ZNF804B: variants seen among roughly 807,000 people sequenced by gnomAD.
ZNF804B encodes the protein zinc finger protein 804B.
In ZNF804B, 80 loss-of-function variants were observed where a neutral mutation model predicts 101.4. The ratio of observed to expected loss-of-function variants is 0.79; its 90% confidence interval spans 0.66 to 0.95. The LOEUF is 0.95. ZNF804B is among the 40% of genes least tolerant of loss of function. The pLI is 0.00. For synonymous variants in ZNF804B, 622 were observed against 558.8 expected (o/e 1.11, Z -1.59); for missense variants, 1,673 against 1,561.9 (o/e 1.07, Z -1.20).
chr7:89,038,682 C>T (rs1788965481), intron 1 of ZNF804B, among the ~76,000 whole-genome samples: 1 of 152,054 alleles, frequency 6.6e-6, no homozygotes, highest in South Asian at 2.1e-4. Context: ...TAATCCCATT[C>T]ACCTAGTTTT....
chr7:89,334,362 A>G lies in ZNF804B; in HGVS notation c.1380A>G (p.Glu460=). ...DGHTTLQWPT[E]LLLFTKTEPC... Reference sequence around the variant, plus strand: ...ACACCACTCTTCAATGGCCTACGGAACTTCTGCTCTTTACAAAAACAGAAC... The same window carrying G: ...ACACCACTCTTCAATGGCCTACGGAGCTTCTGCTCTTTACAAAAACAGAAC... Residue 460 remains glutamate (E), a synonymous_variant, in exon 4 of 4, where the codon GAA becomes GAG. Coordinates refer to ENST00000333190, the MANE Select transcript of ZNF804B (RefSeq NM_181646.5). 1 of 1,613,816 alleles carries G rather than the reference A, an allele frequency of 6.2e-7. No individual in the cohort carries two copies. The highest frequency in any genetic ancestry group is 8.5e-7 in the Non-Finnish European group (1 of 1,179,848).
At chr7:88,762,143 C>T (rs1789907557) in intron 1 of ZNF804B, among the ~76,000 whole-genome samples, 1 of 152,254 alleles carries the variant, frequency 6.6e-6, no homozygotes, top group Non-Finnish European at 1.5e-5. Flanking sequence ...TTTATTTACA[C>T]ATTTGGATGT....
At chr7:89,326,679 G>T (rs1790901508) in intron 2 of ZNF804B, among the ~76,000 whole-genome samples, 1 of 152,014 alleles carries the variant, frequency 6.6e-6, no homozygotes, top group African/African-American at 2.4e-5. Flanking sequence ...GGTCTTACTT[G>T]CATGTAAGTC....
At chr7:89,221,553 A>C (rs1022909311) in intron 2 of ZNF804B, among the ~76,000 whole-genome samples, 4 of 151,928 alleles carry the variant, frequency 2.6e-5, no homozygotes, top group African/African-American at 9.7e-5. Flanking sequence ...ACCTGGGGTG[A>C]ATCTTCCATA....
chr7:89,301,039 T>C (rs745322391), intron 2 of ZNF804B, among the ~76,000 whole-genome samples: 2 of 150,342 alleles, frequency 1.3e-5, no homozygotes, highest in African/African-American at 4.9e-5. Context: ...GAATAGGGAG[T>C]TGATAAAAAT....
chr7:88,960,262 C>T (rs1793370699), intron 1 of ZNF804B, among the ~76,000 whole-genome samples: 1 of 151,166 alleles, frequency 6.6e-6, no homozygotes, highest in African/African-American at 2.4e-5. Flanking sequence ...AAATAAGACC[C>T]CACCCCTACC....
At chr7:89,098,746 T>A (rs185863655) in intron 1 of ZNF804B, among the ~76,000 whole-genome samples, 1 of 152,142 alleles carries the variant, frequency 6.6e-6, no homozygotes, top group African/African-American at 2.4e-5. Flanking sequence ...TATCTAAAAC[T>A]TGTCATTCCT....
At chr7:88,940,122 A>C (rs922594027) in intron 1 of ZNF804B, among the ~76,000 whole-genome samples, 1 of 152,054 alleles carries the variant, frequency 6.6e-6, no homozygotes, top group African/African-American at 2.4e-5. Context: ...TAAATACCAA[A>C]GGATGAACTA....
Position 88,854,545 on chromosome 7 carries a change from T to TTCCTTTCCTTCCCTTCCCTTC in ZNF804B, c.108+94461_108+94462insTCCTTTCCTTCCCTTCCCTTC, listed in dbSNP as rs1554340277. Among the ~76,000 whole-genome samples the TTCCTTTCCTTCCCTTCCCTTC allele has an allele frequency of 7.3e-4, 73 of 100,458 alleles. 4 individuals carry two copies. Among genetic ancestry groups the TTCCTTTCCTTCCCTTCCCTTC allele is most frequent in the East Asian group, 5.3e-3 (13 of 2,436 alleles). The allele number at this position is 100,458 out of a possible 152,430, so 65.9% of individuals were successfully genotyped here. A position where few individuals can be genotyped will look rare whatever the true frequency, so the allele number is the denominator to read the frequency against. On this transcript the variant is annotated intron_variant, in intron 1 of 3. Coordinates refer to ENST00000333190, the MANE Select transcript of ZNF804B (RefSeq NM_181646.5). Reference sequence around the variant, plus strand: ...TCCTTCCTTTCCTTCCTTCCTTCCTTCCTTCCTTCCTTCCTTCCTTCCTTC... The same window carrying TTCCTTTCCTTCCCTTCCCTTC: ...TCCTTCCTTTCCTTCCTTCCTTCCTTTCCTTTCCTTCCCTTCCCTTCCCTTCCTTCCTTCCTTCCTTCCTTC...
At chr7:89,002,095 AATATT>A (rs1347728847) in intron 1 of ZNF804B, among the ~76,000 whole-genome samples, 3 of 151,656 alleles carry the variant, frequency 2.0e-5, no homozygotes, top group Non-Finnish European at 4.4e-5. Context: ...ATGTGTGAGT[AATATT>A]ATAACACATA....
chr7:88,998,492 C>G (rs984802501), intron 1 of ZNF804B, among the ~76,000 whole-genome samples: 4 of 151,860 alleles, frequency 2.6e-5, no homozygotes, highest in African/African-American at 9.7e-5. Flanking sequence ...AAGTGATGTT[C>G]AAGAAGAACA....
chr7:88,799,578 T>C (rs1489257988), intron 1 of ZNF804B, among the ~76,000 whole-genome samples: 1 of 152,050 alleles, frequency 6.6e-6, no homozygotes, highest in Non-Finnish European at 1.5e-5. Context: ...ACTTCTACAT[T>C]ATACCTAGGT....
chr7:89,299,187 T>C (rs527704122), intron 2 of ZNF804B, among the ~76,000 whole-genome samples: 6 of 152,060 alleles, frequency 3.9e-5, no homozygotes, highest in Non-Finnish European at 8.8e-5. Context: ...ACTGTCTGCT[T>C]TTCAGTTTTT....
At chr7:88,893,947 A>T (rs893922579) in intron 1 of ZNF804B, among the ~76,000 whole-genome samples, 10 of 152,130 alleles carry the variant, frequency 6.6e-5, no homozygotes, top group African/African-American at 1.9e-4. Context: ...CATCATGGAA[A>T]ATTAGATAAA....
intron 1 of ZNF804B, among the ~76,000 whole-genome samples, chr7:88,914,348 T>C (rs1355105885): frequency 6.6e-6 from 1 of 152,150 alleles, no homozygotes; most frequent in Non-Finnish European, 1.5e-5. Flanking sequence ...CTCCTGCTCC[T>C]TCATTTGTTT....
chr7:88,783,444 G>A (rs1176108873), intron 1 of ZNF804B, among the ~76,000 whole-genome samples: 2 of 152,030 alleles, frequency 1.3e-5, no homozygotes, highest in East Asian at 3.9e-4. Context: ...TGAGACACTG[G>A]GCTGGAATAG....
intron 2 of ZNF804B, among the ~76,000 whole-genome samples, chr7:89,270,191 G>A (rs1789864111): frequency 6.6e-6 from 1 of 152,110 alleles, no homozygotes; most frequent in South Asian, 2.1e-4. Context: ...GGTTTGTATG[G>A]TTTTAGGTCT....
intron 1 of ZNF804B, among the ~76,000 whole-genome samples, chr7:89,158,910 C>CATCA (rs1173610880): frequency 3.3e-5 from 5 of 152,120 alleles, no homozygotes; most frequent in African/African-American, 1.2e-4. Context: ...TTGTGAACCT[C>CATCA]ATCAATAGTT....
In ZNF804B at chr7:88,785,326, G is replaced by C. The variant is rs553727159; in HGVS notation, c.108+25242G>C. Among the ~76,000 whole-genome samples the C allele has an allele frequency of 2.0e-5, 3 of 151,920 alleles. No individual in the cohort carries two copies. The East Asian group carries it at 5.8e-4, about 29-fold the overall frequency. ...AGACAAATACCAAGGTATTGGACACGTCTCTTGATTCTTTCCACCTCTTTC... is the reference window on the plus strand; with the variant it reads ...AGACAAATACCAAGGTATTGGACACCTCTCTTGATTCTTTCCACCTCTTTC... On this transcript the variant is annotated intron_variant, in intron 1 of 3. Coordinates refer to ENST00000333190, the MANE Select transcript of ZNF804B (RefSeq NM_181646.5).
Sources: allele counts gnomAD v4.1 joint callset (sites outside exome capture counted in the v4.1 genomes callset), GRCh38; gene constraint gnomAD v4.1.1; transcripts MANE v1.5; gene names NCBI Gene and HGNC (gene_info 2026-07-23, HGNC 2026-07-21).